The following CCL24 variants were observed in gnomAD, a reference collection of about 807,000 sequenced individuals.
The protein encoded by CCL24 is C-C motif chemokine 24.
CCL24 carries 6 observed loss-of-function variants against 8.6 expected under a neutral mutation model. That is an observed-to-expected ratio of 0.70 (90% CI 0.38 to 1.38). The LOEUF is 1.38. CCL24 is among the 40% of genes most tolerant of loss of function. CCL24 has a pLI of 0.02. For synonymous variants in CCL24, 59 were observed against 52.7 expected, an observed-to-expected ratio of 1.12 and a Z score of -0.52; for missense variants, 126 against 147.1, an observed-to-expected ratio of 0.86 and a Z score of 0.74.
At chr7:75,820,502 A>G (rs1804023677) in intron 1 of CCL24, among the ~76,000 whole-genome samples, 2 of 152,130 alleles carry the variant, frequency 1.3e-5, no homozygotes, top group African/African-American at 4.8e-5. Context: ...AGTCTTCACC[A>G]TCTAGCAGGA....
intron 1 of CCL24, among the ~76,000 whole-genome samples, chr7:75,822,612 C>CA (rs1334118733): frequency 1.8e-5 from 2 of 112,442 alleles, no homozygotes; most frequent in Non-Finnish European, 4.0e-5. Context: ...GGCGGTGGAT[C>CA]ACCAGGGGTC....
chr7:75,816,625 G>A (rs574630482), upstream of CCL24, among the ~76,000 whole-genome samples: 23 of 151,634 alleles, frequency 1.5e-4, no homozygotes, highest in African/African-American at 3.1e-4. Context: ...GCAGTGGCGC[G>A]ATCTTGGCTC....
rs782461679 is a variant in CCL24 at position 75,820,145 on chromosome 7, CCTCCTCCTTCTCCTTCTCCTT to C, written c.-60+3156_-60+3176del. On this transcript the variant is annotated intron_variant, in intron 1 of 3. Transcript: ENST00000416943. Reference sequence around the variant, plus strand: ...TTCTTCTTCTTCTCCTCCTCCTCCTCCTCCTCCTTCTCCTTCTCCTTCTCCTTCTCCTTCTCCTTCTCCTTC... The same window carrying C: ...TTCTTCTTCTTCTCCTCCTCCTCCTCCTCCTTCTCCTTCTCCTTCTCCTTC... 8.1e-4 allele frequency among the ~76,000 whole-genome samples: 78 copies of C among 96,800 alleles called. 2 individuals are homozygous for C. The highest frequency in any genetic ancestry group is 1.2e-3 in the Non-Finnish European group (50 of 41,712). The allele number at this position is 96,800 out of a possible 152,430, so 63.5% of individuals were successfully genotyped here.
rs117033944 is a variant in CCL24 at position 75,811,207 on chromosome 7, G to A, written c.*589C>T. ...ATAAAAGTTTGAGTAGGCTGGGTGTGGTGGCTCATGCCTGTAATCCCAGCA... is the reference window on the plus strand; with the variant it reads ...ATAAAAGTTTGAGTAGGCTGGGTGTAGTGGCTCATGCCTGTAATCCCAGCA... On this transcript the variant is annotated 3_prime_UTR_variant, in exon 3 of 3. Coordinates refer to ENST00000222902, the MANE Select transcript of CCL24 (RefSeq NM_002991.3). Among the ~76,000 whole-genome samples, 13,311 of 151,470 alleles carry A rather than the reference G, an allele frequency of 0.088. 722 individuals carry two copies. The highest frequency in any genetic ancestry group is 0.14 in the Middle Eastern group (40 of 290).
rs1369446444 is a variant in CCL24 at position 75,811,923 on chromosome 7, T to C, written c.233A>G (p.Lys78Arg). Reference sequence around the variant, plus strand: ...CATGTACCTCTGGACCCACTCCTGCTTGGGGTCGCCACAGAACTGCTGGCC... The same window carrying C: ...CATGTACCTCTGGACCCACTCCTGCCTGGGGTCGCCACAGAACTGCTGGCC... The part of the protein sequence containing the change: ...KKGQQFCGDP[K>R]QEWVQRYMKN... Residue 78 changes from lysine (K) to arginine (R), a missense_variant, in exon 3 of 3, where the codon AAG becomes AGG. Physicochemically the swap from Lys to Arg is conservative, Grantham distance 26. Coordinates refer to ENST00000222902, the MANE Select transcript of CCL24 (RefSeq NM_002991.3). 5.0e-6 allele frequency: 8 copies of C among 1,609,554 alleles called. No homozygotes were observed. Among genetic ancestry groups the C allele is most frequent in the Non-Finnish European group, 6.8e-6 (8 of 1,179,292 alleles).
At chr7:75,814,062 T>C (rs1554533816), upstream of CCL24, among the ~76,000 whole-genome samples, 1 of 152,192 alleles carries the variant, frequency 6.6e-6, no homozygotes, top group African/African-American at 2.4e-5. Flanking sequence ...CCTGGCTGTG[T>C]TGGCCACTCC....
In CCL24 at chr7:75,823,148, G is replaced by C. The variant is rs142034720; in HGVS notation, c.-60+174C>G. On this transcript the variant is annotated intron_variant, in intron 1 of 3. Transcript: ENST00000416943. ...GGTAGACATCTGGGGTGTGATGCAGGGGGGAGAGGGCAGTGGGGTGCCAGG... is the reference window on the plus strand; with the variant it reads ...GGTAGACATCTGGGGTGTGATGCAGCGGGGAGAGGGCAGTGGGGTGCCAGG... Among the ~76,000 whole-genome samples the C allele has an allele frequency of 8.8e-3, 1,342 of 152,268 alleles. 19 individuals are homozygous for C. The highest frequency in any genetic ancestry group is 0.03 in the African/African-American group (1,260 of 41,548).
upstream of CCL24, among the ~76,000 whole-genome samples, chr7:75,817,917 G>GC (rs1176845154): frequency 6.7e-6 from 1 of 150,142 alleles, no homozygotes; most frequent in Non-Finnish European, 1.5e-5. Context: ...TACAACCTCC[G>GC]CCCCCCAGGT....
At chr7:75,811,986 GA>G in intron 2 of CCL24, 22 bp from the exon 3 acceptor site, 1 of 1,606,210 alleles carries the variant, frequency 6.2e-7, no homozygotes, top group Non-Finnish European at 8.5e-7. Flanking sequence ...AGGGACAGGG[GA>G]TCAGCTGAGG....
intron 1 of CCL24, among the ~76,000 whole-genome samples, chr7:75,820,601 TCATC>T (rs201082448): frequency 0.043 from 6,370 of 146,580 alleles, 213 homozygotes; most frequent in East Asian, 0.14. Context: ...ATCTACTCAC[TCATC>T]CATCCATCCA....
At chr7:75,812,670 C>T (rs1399550776) in intron 2 of CCL24, among the ~76,000 whole-genome samples, 2 of 152,160 alleles carry the variant, frequency 1.3e-5, no homozygotes, top group African/African-American at 4.8e-5. Flanking sequence ...TGGATCACGC[C>T]TGTAATCCCA....
intron 1 of CCL24, among the ~76,000 whole-genome samples, chr7:75,821,923 G>A (rs1386303664): frequency 3.7e-5 from 5 of 134,660 alleles, no homozygotes; most frequent in Admixed American, 7.7e-5. Context: ...GCGAGACTCC[G>A]TCTCAAAAAA....
At chr7:75,817,656 C>A (rs4728493), upstream of CCL24, among the ~76,000 whole-genome samples, 8 of 151,334 alleles carry the variant, frequency 5.3e-5, no homozygotes, top group African/African-American at 1.9e-4. Context: ...GCACCCATCA[C>A]CACACCCAGC....
chr7:75,810,972 C>T lies in CCL24; in HGVS notation c.*824G>A, dbSNP rs1803743040. Among the ~76,000 whole-genome samples, 1 of 151,566 alleles carries T rather than the reference C, an allele frequency of 6.6e-6. No homozygotes were observed. Among genetic ancestry groups the T allele is most frequent in the African/African-American group, 2.4e-5 (1 of 41,234 alleles). ...CCCCCTAATCCCCCCACCCTATCTTCCCCTCACCAAAATGTGGGGTGAGCC... is the reference window on the plus strand; with the variant it reads ...CCCCCTAATCCCCCCACCCTATCTTTCCCTCACCAAAATGTGGGGTGAGCC... On this transcript the variant is annotated 3_prime_UTR_variant, in exon 3 of 3. Transcript: ENST00000222902.
At chr7:75,812,140 A>G (rs192268377) in intron 2 of CCL24, among the ~76,000 whole-genome samples, 176 bp from the exon 3 acceptor site, 14 of 151,858 alleles carry the variant, frequency 9.2e-5, no homozygotes, top group African/African-American at 2.7e-4. Context: ...AGGCTGCAAT[A>G]AAGTGGCGAT....
chr7:75,822,974 C>T (rs1804079821), intron 1 of CCL24, among the ~76,000 whole-genome samples: 3 of 152,204 alleles, frequency 2.0e-5, no homozygotes, highest in South Asian at 2.1e-4. Flanking sequence ...CAGCATGCTC[C>T]GCTGAGTGGC....
At chr7:75,814,751 G>A (rs1803852139), upstream of CCL24, among the ~76,000 whole-genome samples, 1 of 151,834 alleles carries the variant, frequency 6.6e-6, no homozygotes, top group Non-Finnish European at 1.5e-5. Flanking sequence ...GGAAATGCCT[G>A]GAAATTCACA....
intron 1 of CCL24, 48 bp from the exon 2 acceptor site, chr7:75,813,471 T>C: frequency 7.0e-7 from 1 of 1,430,340 alleles, no homozygotes; most frequent in Non-Finnish European, 9.9e-7. Flanking sequence ...AGCCTCCCCT[T>C]GGCTCTGGGC....
chr7:75,813,682 G>C lies in CCL24; in HGVS notation c.34C>G (p.Leu12Val). Residue 12 changes from leucine (L) to valine (V), a missense_variant, in exon 1 of 3, where the codon CTG becomes GTG. Transcript: ENST00000222902. ...AGLMTIVTSL[L>V]FLGVCAHHII... ...TGGTGGGCACAGACACCAAGGAACA[G>C]AAGGCTGGTTACTATGGTCATCAGG... The C allele has an allele frequency of 1.2e-6, 2 of 1,614,148 alleles. No individual in the cohort carries two copies. The highest frequency in any genetic ancestry group is 1.7e-6 in the Non-Finnish European group (2 of 1,179,986).
Sources: gnomAD v4.1 joint callset for allele counts (sites outside exome capture counted in the v4.1 genomes callset) on GRCh38, gnomAD v4.1.1 for gene constraint, MANE v1.5 for transcripts, NCBI Gene and HGNC (gene_info 2026-07-23, HGNC 2026-07-21) for gene names.